GHR: variants seen among roughly 807,000 people sequenced by gnomAD.
GHR encodes the protein GH receptor.
Under a neutral mutation model 67.1 loss-of-function variants are expected in GHR, and 35 were observed. The ratio of observed to expected loss-of-function variants is 0.52; its 90% CI spans 0.40 to 0.69. GHR has a LOEUF of 0.69. Ranked by LOEUF, GHR falls within the 30% of genes least tolerant of loss-of-function variation. The probability of loss-of-function intolerance (pLI) is 0.00; values close to 1 mark genes in which losing one functional copy is unlikely to be tolerated. For synonymous variants in GHR, 272 were observed against 269.1 expected (o/e 1.01, Z -0.10); for missense variants, 792 against 764.6 (o/e 1.04, Z -0.42).
intron 1 of GHR, among the ~76,000 whole-genome samples, chr5:42,476,681 C>A (rs1039116553): frequency 2.8e-4 from 43 of 152,104 alleles, no homozygotes; most frequent in Admixed American, 2.4e-3. Flanking sequence ...TTCTAAAGTT[C>A]CTTTCTGACA....
At chr5:42,670,152 T>C (rs1282623607) in intron 3 of GHR, among the ~76,000 whole-genome samples, 1 of 152,230 alleles carries the variant, frequency 6.6e-6, no homozygotes, top group African/African-American at 2.4e-5. Context: ...CAAAATAGCA[T>C]GCTACTGGCA....
At chr5:42,677,632 C>G (rs1232793018) in intron 3 of GHR, among the ~76,000 whole-genome samples, 2 of 152,180 alleles carry the variant, frequency 1.3e-5, no homozygotes, top group Non-Finnish European at 2.9e-5. Context: ...TCTCAACCCG[C>G]AACCAACAGA....
intron 1 of GHR, among the ~76,000 whole-genome samples, chr5:42,544,994 C>T (rs1009669368): frequency 6.6e-6 from 1 of 152,032 alleles, no homozygotes; most frequent in African/African-American, 2.4e-5. Flanking sequence ...TAGATAACTC[C>T]ATATAATGGA....
At chr5:42,590,056 G>T (rs1281489113) in intron 2 of GHR, among the ~76,000 whole-genome samples, 1 of 152,168 alleles carries the variant, frequency 6.6e-6, no homozygotes, top group African/African-American at 2.4e-5. Context: ...TGCTTATTGG[G>T]AGCATGTTGT....
At chr5:42,707,112 T>A (rs1758212988) in intron 6 of GHR, among the ~76,000 whole-genome samples, 1 of 152,002 alleles carries the variant, frequency 6.6e-6, no homozygotes, top group Admixed American at 6.6e-5. Context: ...CTTTGTTAAA[T>A]GTATTCCTAG....
intron 3 of GHR, among the ~76,000 whole-genome samples, chr5:42,644,892 C>T (rs1232636903): frequency 2.0e-5 from 3 of 152,040 alleles, no homozygotes; most frequent in Admixed American, 6.6e-5. Flanking sequence ...TCTCAAATTT[C>T]ATCCTCAAGT....
chr5:42,473,604 C>T (rs1345570818), intron 1 of GHR, among the ~76,000 whole-genome samples: 1 of 152,080 alleles, frequency 6.6e-6, no homozygotes, highest in Non-Finnish European at 1.5e-5. Context: ...GTTGGCCGGG[C>T]GCAGTGGATC....
intron 1 of GHR, among the ~76,000 whole-genome samples, chr5:42,476,805 T>G (rs1745344788): frequency 6.6e-6 from 1 of 152,188 alleles, no homozygotes; most frequent in South Asian, 2.1e-4. Context: ...AAAACCCTGA[T>G]AGGGGATGGT....
chr5:42,582,119 G>A (rs1329930629), intron 2 of GHR, among the ~76,000 whole-genome samples: 1 of 152,266 alleles, frequency 6.6e-6, no homozygotes, highest in African/African-American at 2.4e-5. Context: ...GCACTAAGGG[G>A]TGGTTCAGCG....
At chr5:42,707,607 T>C (rs957486993) in intron 6 of GHR, among the ~76,000 whole-genome samples, 1 of 152,074 alleles carries the variant, frequency 6.6e-6, no homozygotes, top group Non-Finnish European at 1.5e-5. Flanking sequence ...GTTTTTCCAT[T>C]TGCGTTATCT....
chr5:42,552,467 A>G (rs1280345630), intron 1 of GHR, among the ~76,000 whole-genome samples: 4 of 152,202 alleles, frequency 2.6e-5, no homozygotes, highest in African/African-American at 9.6e-5. Context: ...TGATGGAGAT[A>G]GGGCCTTCCA....
At chr5:42,468,730 A>T (rs1467718838) in intron 1 of GHR, 2 of 996,136 alleles carry the variant, frequency 2.0e-6, no homozygotes, top group Non-Finnish European at 1.6e-6. Flanking sequence ...GGCCCCAGAG[A>T]CGCCGCCCCC....
At chr5:42,444,730 T>A (rs1401332007) in intron 1 of GHR, among the ~76,000 whole-genome samples, 1 of 152,210 alleles carries the variant, frequency 6.6e-6, no homozygotes, top group Non-Finnish European at 1.5e-5. Flanking sequence ...TGTTATTCCC[T>A]CTAAAATGAC....
chr5:42,711,420 A>G (rs768922112), intron 7 of GHR, 48 bp downstream of exon 7: 4 of 1,342,744 alleles, frequency 3.0e-6, no homozygotes, highest in Admixed American at 3.4e-5. Context: ...GCTTTTGTCA[A>G]TATAACAGTT....
chr5:42,668,199 G>A (rs1163203348), intron 3 of GHR, among the ~76,000 whole-genome samples: 1 of 152,128 alleles, frequency 6.6e-6, no homozygotes, highest in Non-Finnish European at 1.5e-5. Context: ...TTCTTTGTTG[G>A]ACAGAAAAAG....
intron 1 of GHR, among the ~76,000 whole-genome samples, chr5:42,425,592 G>A (rs1354336563): frequency 6.6e-6 from 1 of 152,172 alleles, no homozygotes; most frequent in East Asian, 1.9e-4. Flanking sequence ...TTTGAGAAAA[G>A]CAAAGCTCAG....
intron 1 of GHR, among the ~76,000 whole-genome samples, chr5:42,430,301 A>G (rs532314209): frequency 4.7e-4 from 72 of 152,232 alleles, no homozygotes; most frequent in Middle Eastern, 6.8e-3. Flanking sequence ...TAAATTGTGA[A>G]TTCCCCTTGC....
Position 42,689,437 on chromosome 5 carries a change from C to T in GHR, c.266+418C>T, listed in dbSNP as rs188235504. Among the ~76,000 whole-genome samples the T allele has an allele frequency of 1.1e-3, 162 of 152,208 alleles. 1 individual carries two copies. Among genetic ancestry groups the T allele is most frequent in the African/African-American group, 3.6e-3 (151 of 41,526 alleles). On this transcript the variant is annotated intron_variant, in intron 4 of 9. Transcript: ENST00000230882. ...GTGAGTGAGAGCATGTATGGATACA[C>T]GTGGGCATGTGCATGTGGATGAGAG...
chr5:42,654,982 T>A (rs189661997), intron 3 of GHR, among the ~76,000 whole-genome samples: 39 of 152,144 alleles, frequency 2.6e-4, no homozygotes, highest in African/African-American at 8.7e-4. Context: ...TTTCCTCTCA[T>A]CCCCTCATCC....
Sources: gnomAD v4.1 joint callset for allele counts (sites outside exome capture counted in the v4.1 genomes callset) on GRCh38, gnomAD v4.1.1 for gene constraint, MANE v1.5 for transcripts, NCBI Gene and HGNC (gene_info 2026-07-23, HGNC 2026-07-21) for gene names.